Variants in XKR4 observed in about 807,000 individuals in gnomAD.
The protein encoded by XKR4 is XK-related protein 4.
A neutral mutation model predicts 53.9 loss-of-function variants in XKR4; 12 were observed. The observed-to-expected ratio is 0.22, with a 90% CI of 0.14 to 0.36. XKR4 has a LOEUF of 0.36. XKR4 is among the 10% of genes least tolerant of loss of function. The probability of loss-of-function intolerance (pLI) is 1.00; values close to 1 mark genes in which losing one functional copy is unlikely to be tolerated. For synonymous variants in XKR4, 354 were observed against 362.4 expected (o/e 0.98, Z 0.26); for missense variants, 799 against 859.5 (o/e 0.93, Z 0.88).
At chr8:55,262,029 G>A (rs1197238914) in intron 1 of XKR4, among the ~76,000 whole-genome samples, 1 of 152,042 alleles carries the variant, frequency 6.6e-6, no homozygotes, top group African/African-American at 2.4e-5. Flanking sequence ...CAATGAATAA[G>A]GTTGAGACGA....
intron 1 of XKR4, among the ~76,000 whole-genome samples, chr8:55,186,222 G>T (rs1340528161): frequency 6.6e-6 from 1 of 152,176 alleles, no homozygotes; most frequent in East Asian, 1.9e-4. Context: ...AAAGGGCAGA[G>T]AAATAATAGT....
intron 1 of XKR4, among the ~76,000 whole-genome samples, chr8:55,337,992 C>A (rs1360191291): frequency 6.6e-6 from 1 of 152,124 alleles, no homozygotes; most frequent in Non-Finnish European, 1.5e-5. Flanking sequence ...TTGTCTCTTG[C>A]CTAAGCTGAC....
chr8:55,235,658 C>G (rs568695653), intron 1 of XKR4, among the ~76,000 whole-genome samples: 28 of 152,206 alleles, frequency 1.8e-4, no homozygotes, highest in Non-Finnish European at 3.5e-4. Flanking sequence ...TCTCCTTGAC[C>G]TACAAACTAT....
chr8:55,476,381 G>A (rs555496386), intron 2 of XKR4, among the ~76,000 whole-genome samples: 20 of 152,050 alleles, frequency 1.3e-4, no homozygotes, highest in East Asian at 1.9e-4. Context: ...GGCAGGAAAC[G>A]GATATGGTTT....
intron 2 of XKR4, among the ~76,000 whole-genome samples, chr8:55,418,962 C>T (rs1404021025): frequency 9.9e-5 from 15 of 151,896 alleles, no homozygotes; most frequent in Non-Finnish European, 4.4e-5. Flanking sequence ...TGATTATTGA[C>T]TGTATTTCCC....
intron 1 of XKR4, among the ~76,000 whole-genome samples, chr8:55,253,392 T>C (rs935564148): frequency 1.3e-5 from 2 of 152,120 alleles, no homozygotes; most frequent in South Asian, 2.1e-4. Context: ...GAAGCCACAC[T>C]TTTTTTTGTA....
intron 2 of XKR4, among the ~76,000 whole-genome samples, chr8:55,473,605 A>G (rs1805925596): frequency 6.6e-6 from 1 of 152,158 alleles, no homozygotes; most frequent in Non-Finnish European, 1.5e-5. Context: ...TCAAAAAGGA[A>G]TAAGTGTGCC....
intron 2 of XKR4, among the ~76,000 whole-genome samples, chr8:55,507,250 A>T (rs10504194): frequency 0.043 from 6,540 of 152,294 alleles, 540 homozygotes; most frequent in East Asian, 0.28. Context: ...GAGAACTTAG[A>T]CTTGGCTTCT....
At chr8:55,432,084 C>T (rs1805112366) in intron 2 of XKR4, among the ~76,000 whole-genome samples, 1 of 152,166 alleles carries the variant, frequency 6.6e-6, no homozygotes, top group African/African-American at 2.4e-5. Flanking sequence ...ATTTCAAATG[C>T]CTTCTCTCTG....
chr8:55,424,520 A>C (rs1279658194), intron 2 of XKR4, among the ~76,000 whole-genome samples: 1 of 152,236 alleles, frequency 6.6e-6, no homozygotes, highest in African/African-American at 2.4e-5. Flanking sequence ...AGATAAATAC[A>C]AGGCATCTAA....
chr8:55,459,429 T>C (rs991905020), intron 2 of XKR4, among the ~76,000 whole-genome samples: 49 of 152,180 alleles, frequency 3.2e-4, no homozygotes, highest in Non-Finnish European at 4.4e-4. Context: ...AATTGGAAAT[T>C]GAACTTCATA....
At chr8:55,313,062 G>A (rs903167053) in intron 1 of XKR4, among the ~76,000 whole-genome samples, 4 of 149,334 alleles carry the variant, frequency 2.7e-5, no homozygotes, top group African/African-American at 1.0e-4. Flanking sequence ...TTTAATTGCT[G>A]TTTTAATCCT....
intron 2 of XKR4, among the ~76,000 whole-genome samples, chr8:55,447,591 G>A (rs976904057): frequency 1.3e-5 from 2 of 152,176 alleles, no homozygotes; most frequent in African/African-American, 4.8e-5. Context: ...CTTTCATTAA[G>A]AGTTTGTGGA....
intron 1 of XKR4, among the ~76,000 whole-genome samples, chr8:55,326,717 C>T (rs550555019): frequency 8.5e-4 from 129 of 151,996 alleles, no homozygotes; most frequent in Non-Finnish European, 1.4e-3. Context: ...GCGATCTGCT[C>T]ACCTCGGCCT....
chr8:55,361,684 TAAAC>T (rs1803911641), intron 2 of XKR4, among the ~76,000 whole-genome samples: 1 of 152,064 alleles, frequency 6.6e-6, no homozygotes, highest in Admixed American at 6.5e-5. Context: ...TCATTAAAAT[TAAAC>T]AAGATTCCTG....
intron 1 of XKR4, among the ~76,000 whole-genome samples, chr8:55,138,684 A>G (rs1344403090): frequency 2.0e-5 from 3 of 152,204 alleles, no homozygotes; most frequent in African/African-American, 7.2e-5. Context: ...TATTTATTCA[A>G]CAAATATTGT....
chr8:55,241,204 T>C (rs1274795386), intron 1 of XKR4, among the ~76,000 whole-genome samples: 1 of 152,232 alleles, frequency 6.6e-6, no homozygotes, highest in East Asian at 1.9e-4. Context: ...CGTGCATTCA[T>C]GGACTCAGTC....
chr8:55,235,474 T>C (rs1818106307), intron 1 of XKR4, among the ~76,000 whole-genome samples: 1 of 152,244 alleles, frequency 6.6e-6, no homozygotes, highest in South Asian at 2.1e-4. Context: ...AATAAAGTGC[T>C]TAGAACAGTA....
intron 1 of XKR4, among the ~76,000 whole-genome samples, chr8:55,330,225 C>T (rs1187782373): frequency 6.6e-6 from 1 of 152,140 alleles, no homozygotes; most frequent in Admixed American, 6.5e-5. Flanking sequence ...CAGTTAAAAG[C>T]ATGGGCATGA....
Sources: gnomAD v4.1 joint callset for allele counts (sites outside exome capture counted in the v4.1 genomes callset) on GRCh38, gnomAD v4.1.1 for gene constraint, MANE v1.5 for transcripts, NCBI Gene and HGNC (gene_info 2026-07-23, HGNC 2026-07-21) for gene names.